The following GTF2IRD1 variants were observed in gnomAD, a reference collection of about 807,000 sequenced individuals.
GTF2IRD1 encodes GTF2I repeat domain containing 1.
A neutral mutation model predicts 113.2 loss-of-function variants in GTF2IRD1; 26 were observed. That is an observed-to-expected ratio of 0.23 (90% CI 0.17 to 0.32). The LOEUF (loss-of-function observed/expected upper bound fraction) is 0.32. Ranked by LOEUF, GTF2IRD1 falls within the 10% of genes least tolerant of loss-of-function variation. GTF2IRD1 has a pLI of 1.00. For missense variants in GTF2IRD1, 864 were observed against 1,280.8 expected (o/e 0.67, Z 4.97); for synonymous variants, 484 against 529.1 (o/e 0.91, Z 1.17).
Position 74,512,372 on chromosome 7 carries a change from T to C in GTF2IRD1, c.124-458T>C, listed in dbSNP as rs868976588. On this transcript the variant is annotated intron_variant, in intron 2 of 26. Transcript: ENST00000424337. The surrounding 1 kb of genome is among the most constrained non-coding windows in gnomAD (Gnocchi z 4.4). ...GTCTCAAAAAACAAAACAAAACAGA[T>C]GTGGAAACTGGAGCCCAGAGGAGGG... Among the ~76,000 whole-genome samples, 4 of 151,874 alleles carry C rather than the reference T, an allele frequency of 2.6e-5. No individual in the cohort carries two copies. Among genetic ancestry groups the C allele is most frequent in the African/African-American group, 7.3e-5 (3 of 41,352 alleles).
In GTF2IRD1 at chr7:74,539,961, G is replaced by T. The variant is rs1554351304; in HGVS notation, c.1611G>T (p.Met537Ile). The stretch of plus-strand genomic sequence containing the variant: ...AGGATTCTGGTTATGGGATGGAGAT[G>T]CTGACAGGTAAGAAATGGACCTGGG... ...PSEDSGYGME[M>I]LTDKGLSEDA... The change falls in exon 14 of 27, where the codon ATG becomes ATT. Residue 537 changes from methionine to isoleucine, a missense_variant. Transcript: ENST00000424337. 1 of 1,610,824 alleles carries T rather than the reference G, an allele frequency of 6.2e-7. No individual in the cohort carries two copies. Among genetic ancestry groups the T allele is most frequent in the East Asian group, 2.2e-5 (1 of 44,840 alleles).
At position 74,555,303 on chromosome 7, in the gene GTF2IRD1, GC is replaced by G; in HGVS notation, c.1966+81del. 1 of 1,487,940 alleles carries G rather than the reference GC, an allele frequency of 6.7e-7. No individual in the cohort carries two copies. The highest frequency in any genetic ancestry group is 1.4e-5 in the African/African-American group (1 of 72,418). 92.2% of individuals were successfully genotyped at this position (1,487,940 alleles called of 1,614,324 possible). On this transcript the variant is annotated intron_variant, in intron 18 of 26. Transcript: ENST00000424337. This position sits in a 1 kb window ranked among gnomAD's most constrained non-coding sequence, Gnocchi z 5.3. ...GCCTCTGCCACCAGCCCCTCCTCCTGCTGCCTCTGTCCTGCTCCCATCCTGG... is the reference window on the plus strand; with the variant it reads ...GCCTCTGCCACCAGCCCCTCCTCCTGTGCCTCTGTCCTGCTCCCATCCTGG...
Position 74,589,763 on chromosome 7 carries a change from G to T in GTF2IRD1, c.2321-88G>T, listed in dbSNP as rs1452744250. On this transcript the variant is annotated intron_variant, in intron 22 of 26. Transcript: ENST00000424337. The stretch of plus-strand genomic sequence containing the variant: ...GCCCTGCAGAGAATGTAATGTTTTG[G>T]CAGATCAGGGACGCCTGGTGGGAGA... The T allele has an allele frequency of 8.0e-5, 62 of 773,898 alleles. No homozygotes were observed. In the Admixed American group the frequency reaches 1.2e-3, roughly 15 times the overall value. 47.9% of individuals were successfully genotyped at this position (773,898 alleles called of 1,614,324 possible).
At chr7:74,547,441 T>TTA (rs1337037917) in intron 17 of GTF2IRD1, among the ~76,000 whole-genome samples, 155 bp downstream of exon 17, 1 of 142,094 alleles carries the variant, frequency 7.0e-6, no homozygotes, top group African/African-American at 2.6e-5. Flanking sequence ...TGCCCAGCCT[T>TTA]TTTTTTTTTT....
At chr7:74,486,866 C>G (rs1337309515) in intron 1 of GTF2IRD1, among the ~76,000 whole-genome samples, 1 of 151,962 alleles carries the variant, frequency 6.6e-6, no homozygotes, top group Non-Finnish European at 1.5e-5. Context: ...GTAATCCCAG[C>G]TACTCAGGAC....
chr7:74,601,394 C>T, intron 26 of GTF2IRD1: 1 of 1,498,754 alleles, frequency 6.7e-7, no homozygotes, highest in Non-Finnish European at 8.9e-7. Context: ...GGCACTCAGG[C>T]AGGAATTCAC....
chr7:74,487,169 G>C (rs1795077490), intron 1 of GTF2IRD1, among the ~76,000 whole-genome samples: 2 of 152,234 alleles, frequency 1.3e-5, no homozygotes, highest in Admixed American at 1.3e-4. Context: ...CTCCCAAGTA[G>C]CTAGAATTAC....
At chr7:74,537,076 A>C (rs1162763781) in intron 11 of GTF2IRD1, among the ~76,000 whole-genome samples, 2 of 152,052 alleles carry the variant, frequency 1.3e-5, no homozygotes, top group East Asian at 3.9e-4. Flanking sequence ...GCACCACTGC[A>C]CTCCAGCCTG....
chr7:74,488,856 CT>C (rs1795166378), intron 1 of GTF2IRD1, among the ~76,000 whole-genome samples: 1 of 151,898 alleles, frequency 6.6e-6, no homozygotes, highest in Non-Finnish European at 1.5e-5. Context: ...GAAATATGGA[CT>C]TTTGCCTGGG....
At chr7:74,598,342 T>C (rs1802546977) in intron 25 of GTF2IRD1, among the ~76,000 whole-genome samples, 1 of 151,934 alleles carries the variant, frequency 6.6e-6, no homozygotes, top group Non-Finnish European at 1.5e-5. Flanking sequence ...GGCTCACGCC[T>C]GTAATCCCAA....
intron 6 of GTF2IRD1, among the ~76,000 whole-genome samples, chr7:74,520,556 A>G (rs1797223558): frequency 6.6e-6 from 1 of 152,022 alleles, no homozygotes; most frequent in African/African-American, 2.4e-5. Flanking sequence ...GTCTTGCTGA[A>G]TCTGAAGCTT....
At chr7:74,532,304 A>T (rs1798006843) in intron 9 of GTF2IRD1, among the ~76,000 whole-genome samples, 1 of 152,218 alleles carries the variant, frequency 6.6e-6, no homozygotes, top group Non-Finnish European at 1.5e-5. Context: ...TTGTAATCCT[A>T]GCACTTGGAA....
chr7:74,494,735 C>CA (rs1186878311), intron 1 of GTF2IRD1, among the ~76,000 whole-genome samples: 1 of 151,544 alleles, frequency 6.6e-6, no homozygotes, highest in African/African-American at 2.4e-5. Context: ...TTAAAAAAAA[C>CA]AAAAAACCAA....
chr7:74,529,544 C>T (rs1401690512), intron 8 of GTF2IRD1, among the ~76,000 whole-genome samples, 190 bp from the exon 9 acceptor site: 2 of 152,146 alleles, frequency 1.3e-5, no homozygotes, highest in Admixed American at 1.3e-4. Flanking sequence ...GCATGAGTCA[C>T]CGCACCCAGC....
In GTF2IRD1 at chr7:74,557,621, T is replaced by C; in HGVS notation, c.2024-18T>C. 6.3e-7 allele frequency: 1 copy of C among 1,597,182 alleles called. No homozygotes were observed. Among genetic ancestry groups the C allele is most frequent in the African/African-American group, 1.3e-5 (1 of 74,720 alleles). ...TTCACTCAACAGCCCAAACCCATAA[T>C]CGTTTTGCGCTTTGCAGAAAATTAT... is the stretch of plus-strand genomic sequence containing the variant. On this transcript the variant is annotated intron_variant, in intron 19 of 26. Transcript: ENST00000424337.
intron 22 of GTF2IRD1, among the ~76,000 whole-genome samples, chr7:74,560,232 G>A (rs2130789920): frequency 6.6e-6 from 1 of 152,142 alleles, no homozygotes; most frequent in South Asian, 2.1e-4. Context: ...CTGGGTTCAG[G>A]AGGGAGGGGC....
chr7:74,557,028 C>T (rs587728787), intron 19 of GTF2IRD1, among the ~76,000 whole-genome samples: 42 of 152,214 alleles, frequency 2.8e-4, no homozygotes, highest in Admixed American at 1.3e-4. Flanking sequence ...ATCACTTGAG[C>T]TTGGGGGTTC....
intron 6 of GTF2IRD1, among the ~76,000 whole-genome samples, chr7:74,520,838 TATAC>T (rs1554345749): frequency 5.8e-5 from 6 of 103,486 alleles, no homozygotes; most frequent in African/African-American, 2.3e-4. Context: ...GTAAGTTATA[TATAC>T]TATTATTATT....
chr7:74,594,196 C>T (rs1177946869), intron 24 of GTF2IRD1, among the ~76,000 whole-genome samples: 1 of 148,538 alleles, frequency 6.7e-6, no homozygotes, highest in African/African-American at 2.5e-5. Context: ...AAGACTCCGT[C>T]TCAAAAAAAA....
Sources: gnomAD v4.1 joint callset for allele counts (sites outside exome capture counted in the v4.1 genomes callset) on GRCh38, gnomAD v4.1.1 for gene constraint, Gnocchi (gnomAD v3.1) non-coding constraint, MANE v1.5 for transcripts, NCBI Gene and HGNC (gene_info 2026-07-23, HGNC 2026-07-21) for gene names.